Variants in SORCS2 observed in about 807,000 individuals in gnomAD.
SORCS2 encodes the protein sortilin related VPS10 domain containing receptor 2, also known as VPS10 domain-containing receptor SorCS2.
Under a neutral mutation model 141.6 loss-of-function variants are expected in SORCS2, and 100 were observed. That is an observed-to-expected ratio of 0.71 (90% CI 0.60 to 0.83). SORCS2 has a LOEUF of 0.83. SORCS2 is among the 40% of genes least tolerant of loss of function. SORCS2 has a pLI of 0.00. For synonymous variants in SORCS2, 789 were observed against 676.9 expected (o/e 1.17, Z -2.57); for missense variants, 1,646 against 1,560.2 (o/e 1.05, Z -0.93).
At chr4:7,514,187 C>T (rs1053507930) in intron 2 of SORCS2, among the ~76,000 whole-genome samples, 2 of 152,124 alleles carry the variant, frequency 1.3e-5, no homozygotes, top group Admixed American at 1.3e-4. Flanking sequence ...CAGGTCCAGA[C>T]CAGGCCACAG....
Position 7,654,321 on chromosome 4 carries a change from C to G in SORCS2, c.887+114C>G. 1.2e-5 allele frequency: 13 copies of G among 1,106,544 alleles called. 1 individual carries two copies. In the South Asian group the frequency reaches 1.9e-4, roughly 16 times the overall value. The allele number at this position is 1,106,544 out of a possible 1,614,324, so 68.5% of individuals were successfully genotyped here. A position where few individuals can be genotyped will look rare whatever the true frequency, so the allele number is the denominator to read the frequency against. ...CTCCCTTTCCTCCTCTGGACCCTCC[C>G]CATCCCGGGGCTGGGTCCCCACCGT... is the stretch of plus-strand genomic sequence containing the variant. On this transcript the variant is annotated intron_variant, in intron 5 of 26. Coordinates refer to ENST00000507866, the MANE Select transcript of SORCS2 (RefSeq NM_020777.3).
rs138616996 is a variant in SORCS2, at chr4:7,222,088, G to T, written c.480+28962G>T. On this transcript the variant is annotated intron_variant, in intron 1 of 26. Coordinates refer to ENST00000507866, the MANE Select transcript of SORCS2 (RefSeq NM_020777.3). The stretch of plus-strand genomic sequence containing the variant: ...CAGACAAGGGGAAAGGGCGTTTTGG[G>T]ACCTCAGATGATGGAATGAACTGGG... Among the ~76,000 whole-genome samples the T allele has an allele frequency of 5.0e-3, 763 of 152,240 alleles. 7 individuals carry two copies. Among genetic ancestry groups the T allele is most frequent in the African/African-American group, 0.018 (727 of 41,526 alleles).
chr4:7,636,131 C>T (rs1159194103), intron 3 of SORCS2, among the ~76,000 whole-genome samples: 11 of 152,090 alleles, frequency 7.2e-5, no homozygotes, highest in African/African-American at 2.4e-4. Flanking sequence ...CAGCCCCACG[C>T]GAGGCCCAGC....
intron 1 of SORCS2, among the ~76,000 whole-genome samples, chr4:7,317,795 C>T (rs1202102748): frequency 6.6e-6 from 1 of 152,218 alleles, no homozygotes; most frequent in Admixed American, 6.5e-5. Context: ...GAAGGGGCTT[C>T]CGACAGTCAC....
intron 1 of SORCS2, among the ~76,000 whole-genome samples, chr4:7,373,478 A>ATATATATATATATATTTTT (rs1470691140): frequency 2.7e-5 from 1 of 36,816 alleles, no homozygotes; most frequent in African/African-American, 1.6e-4. Context: ...ATATATATAT[A>ATATATATATATATATTTTT]TTTTTTTTTT....
chr4:7,434,723 C>G, intron 2 of SORCS2: 6 of 1,612,978 alleles, frequency 3.7e-6, no homozygotes, highest in Non-Finnish European at 5.1e-6. Context: ...TTGTTCCATA[C>G]GGCCCCTTGG....
chr4:7,470,455 G>A (rs1043920825), intron 2 of SORCS2, among the ~76,000 whole-genome samples: 1 of 152,204 alleles, frequency 6.6e-6, no homozygotes, highest in African/African-American at 2.4e-5. Context: ...TCATCCAGGT[G>A]GGATAGGGAT....
intron 5 of SORCS2, among the ~76,000 whole-genome samples, chr4:7,660,895 T>C (rs1722119467): frequency 6.6e-6 from 1 of 152,070 alleles, no homozygotes; most frequent in Non-Finnish European, 1.5e-5. Flanking sequence ...GGCTGATGGC[T>C]GAGAGAGCAA....
At chr4:7,360,808 C>A (rs576302286) in intron 1 of SORCS2, among the ~76,000 whole-genome samples, 28 of 151,956 alleles carry the variant, frequency 1.8e-4, no homozygotes, top group Non-Finnish European at 3.1e-4. Context: ...TGGTCTCGAA[C>A]TCCTGAGCTC....
chr4:7,484,156 A>G (rs1730830215), intron 2 of SORCS2, among the ~76,000 whole-genome samples: 1 of 152,214 alleles, frequency 6.6e-6, no homozygotes, highest in African/African-American at 2.4e-5. Flanking sequence ...TATCCATCCC[A>G]GCGGTCCCGG....
At chr4:7,281,450 C>A (rs1282732787) in intron 1 of SORCS2, among the ~76,000 whole-genome samples, 1 of 152,188 alleles carries the variant, frequency 6.6e-6, no homozygotes. Context: ...CTTTCTCCTG[C>A]CTGCTGCGTC....
At chr4:7,301,111 T>G (rs191261572) in intron 1 of SORCS2, among the ~76,000 whole-genome samples, 174 of 152,272 alleles carry the variant, frequency 1.1e-3, no homozygotes, top group Non-Finnish European at 1.7e-3. Flanking sequence ...CTGGCGGGAC[T>G]GTGTCCTTCT....
intron 1 of SORCS2, among the ~76,000 whole-genome samples, chr4:7,321,157 ATAGCT>A (rs1035133189): frequency 6.6e-6 from 1 of 152,082 alleles, no homozygotes; most frequent in Non-Finnish European, 1.5e-5. Flanking sequence ...TTGCCTACCC[ATAGCT>A]TAGCTCCCAT....
intron 1 of SORCS2, among the ~76,000 whole-genome samples, chr4:7,377,806 A>C (rs1722754195): frequency 6.6e-6 from 1 of 152,162 alleles, no homozygotes; most frequent in Non-Finnish European, 1.5e-5. Context: ...GGAGCCTTCT[A>C]TTTGATATAC....
rs201869543 is a variant in SORCS2, at chr4:7,726,826, C to T, written c.2792C>T (p.Thr931Met). The T allele has an allele frequency of 1.6e-4, 251 of 1,613,832 alleles. No individual in the cohort carries two copies. Among genetic ancestry groups the T allele is most frequent in the Non-Finnish European group, 1.9e-4 (224 of 1,179,836 alleles). The change falls in exon 21 of 27, where the codon ACG becomes ATG. Residue 931 changes from threonine (T) to methionine (M), a missense_variant. By Grantham distance (81) the Thr-to-Met change is moderately conservative. Transcript: ENST00000507866. ...DNSVTTRFSD[T>M]GDVRVTVQAA... ...TCTGTGACAACGCGGTTTTCGGACA[C>T]GGGCGACGTGCGTGTGACGGTGCAG...
intron 2 of SORCS2, among the ~76,000 whole-genome samples, chr4:7,411,292 G>C (rs1259311066): frequency 6.6e-6 from 1 of 151,714 alleles, no homozygotes. Flanking sequence ...GCCCTCCCTT[G>C]GGTCCGGGCT....
chr4:7,593,367 G>A (rs1229684440), intron 3 of SORCS2, among the ~76,000 whole-genome samples: 2 of 152,232 alleles, frequency 1.3e-5, no homozygotes. Context: ...CAGCAGAGCA[G>A]GTGAGGCGGG....
At chr4:7,611,691 T>C (rs1200659159) in intron 3 of SORCS2, among the ~76,000 whole-genome samples, 1 of 152,160 alleles carries the variant, frequency 6.6e-6, no homozygotes, top group Non-Finnish European at 1.5e-5. Flanking sequence ...GGGGAAAAAT[T>C]CAATAGTTGC....
intron 2 of SORCS2, among the ~76,000 whole-genome samples, chr4:7,421,237 C>T (rs1400193202): frequency 6.6e-5 from 10 of 152,206 alleles, no homozygotes; most frequent in Admixed American, 1.3e-4. Flanking sequence ...TGGTGCACCA[C>T]GCCATGCGTT....
Sources: gnomAD v4.1 joint callset for allele counts (sites outside exome capture counted in the v4.1 genomes callset) on GRCh38, gnomAD v4.1.1 for gene constraint, MANE v1.5 for transcripts, NCBI Gene and HGNC (gene_info 2026-07-23, HGNC 2026-07-21) for gene names.